The following CRACDL variants were observed in gnomAD, a reference collection of about 807,000 sequenced individuals.
The protein encoded by CRACDL is CRACD-like protein.
In CRACDL, 26 loss-of-function variants were observed where a neutral mutation model predicts 70.6. That is an observed-to-expected ratio of 0.37 (90% CI 0.27 to 0.51). The LOEUF is 0.51. Among genes scored for constraint, CRACDL ranks in the 20% least tolerant of loss-of-function variants. The pLI, the probability that CRACDL is intolerant of heterozygous loss-of-function variation, is 0.94. For missense variants in CRACDL, 1,283 were observed against 1,376.9 expected (o/e 0.93, Z 1.08); for synonymous variants, 618 against 615.2 (o/e 1.00, Z -0.07).
At chr2:98,882,525 C>T (rs543247242) in intron 1 of CRACDL, among the ~76,000 whole-genome samples, 30 of 152,240 alleles carry the variant, frequency 2.0e-4, no homozygotes, top group African/African-American at 6.3e-4. Flanking sequence ...AAGGAAGCAC[C>T]GCACAATGAA....
At position 98,838,295 on chromosome 2, in the gene CRACDL, G is replaced by C. The variant is rs1705881041; in HGVS notation, c.71-8C>G. 6.7e-7 allele frequency: 1 copy of C among 1,496,980 alleles called. No individual in the cohort carries two copies. The highest frequency in any genetic ancestry group is 2.4e-5 in the East Asian group (1 of 42,206). The allele number at this position is 1,496,980 out of a possible 1,614,324, so 92.7% of individuals were successfully genotyped here. On this transcript the variant is annotated splice_region_variant and splice_polypyrimidine_tract_variant and intron_variant, in intron 2 of 9. Transcript: ENST00000397899. The stretch of plus-strand genomic sequence containing the variant: ...ATTTAGATTTTTTCTTTCCTATACA[G>C]ATTAGAGAAAAAAATAATAAATAAG...
Position 98,832,217 on chromosome 2 carries a change from C to A in CRACDL, c.540+131G>T, listed in dbSNP as rs186272029. The A allele has an allele frequency of 2.2e-5, 20 of 898,816 alleles. No individual in the cohort carries two copies. The East Asian group carries it at 4.9e-4, about 22-fold the overall frequency. The allele number at this position is 898,816 out of a possible 1,614,324, so 55.7% of individuals were successfully genotyped here. A position where few individuals can be genotyped will look rare whatever the true frequency, so the allele number is the denominator to read the frequency against. ...ACACAGCTCAAGGGCTGATTGTAGG[C>A]TCCAGTGACCCAGTTGGCCACACCA... On this transcript the variant is annotated intron_variant, in intron 5 of 9. Transcript: ENST00000397899.
chr2:98,843,960 C>A (rs1403481434), intron 2 of CRACDL, among the ~76,000 whole-genome samples: 1 of 151,726 alleles, frequency 6.6e-6, no homozygotes, highest in Non-Finnish European at 1.5e-5. Context: ...TGGGTTATTT[C>A]AAAAAAAATC....
chr2:98,826,261 G>A (rs189733650), intron 6 of CRACDL, among the ~76,000 whole-genome samples: 34 of 152,318 alleles, frequency 2.2e-4, no homozygotes, highest in African/African-American at 7.9e-4. Flanking sequence ...ATGCTACTGA[G>A]TAGGCCCTCA....
chr2:98,846,337 T>G (rs1706251792), intron 2 of CRACDL, among the ~76,000 whole-genome samples: 2 of 152,120 alleles, frequency 1.3e-5, no homozygotes, highest in Non-Finnish European at 2.9e-5. Flanking sequence ...ATGTAATTAT[T>G]TTTTTACAGA....
chr2:98,795,073 A>ATTTTTTTTTTTTTTTT (rs1468056572), intron 9 of CRACDL, among the ~76,000 whole-genome samples: 1 of 20,070 alleles, frequency 5.0e-5, no homozygotes, highest in African/African-American at 1.2e-4. Context: ...ATATATATAT[A>ATTTTTTTTTTTTTTTT]TATATTTTTT....
At chr2:98,918,669 G>A (rs1314723226) in intron 1 of CRACDL, among the ~76,000 whole-genome samples, 2 of 148,380 alleles carry the variant, frequency 1.3e-5, no homozygotes, top group African/African-American at 5.0e-5. Flanking sequence ...CTTTTAATTT[G>A]CATTTCTCTA....
rs1209364023 is a variant in CRACDL at position 98,872,734 on chromosome 2, C to T, written c.-10-25924G>A. Among the ~76,000 whole-genome samples the T allele has an allele frequency of 2.6e-5, 4 of 152,214 alleles. No individual in the cohort carries two copies. In the South Asian group the frequency reaches 6.2e-4, roughly 24 times the overall value. On this transcript the variant is annotated intron_variant, in intron 1 of 9. Coordinates refer to ENST00000397899, the MANE Select transcript of CRACDL (RefSeq NM_207362.3). ...CTAACAAGCTCCCAGGTGATGCTGA[C>T]GATGCTGCCCGTGGACCTTCCTTTG...
chr2:98,924,791 G>T (rs552562853), intron 1 of CRACDL, among the ~76,000 whole-genome samples: 1 of 152,260 alleles, frequency 6.6e-6, no homozygotes, highest in East Asian at 1.9e-4. Context: ...TTTTAACCAG[G>T]AATACCTTAG....
At chr2:98,809,598 G>C (rs1245919883) in intron 7 of CRACDL, 1 of 152,154 alleles carries the variant, frequency 6.6e-6, no homozygotes, top group Non-Finnish European at 1.5e-5. Context: ...TCCACAGAAA[G>C]TGTTTTGCAA....
At chr2:98,826,801 T>C (rs550503613) in intron 6 of CRACDL, among the ~76,000 whole-genome samples, 174 bp downstream of exon 6, 1 of 151,136 alleles carries the variant, frequency 6.6e-6, no homozygotes, top group East Asian at 2.0e-4. Flanking sequence ...ACAGATCTGG[T>C]TTATGTTTAA....
At chr2:98,801,308 A>G (rs1449112891) in intron 7 of CRACDL, among the ~76,000 whole-genome samples, 1 of 152,010 alleles carries the variant, frequency 6.6e-6, no homozygotes, top group African/African-American at 2.4e-5. Flanking sequence ...GAGAGAACCC[A>G]CTCCAGCTCC....
chr2:98,803,898 T>G (rs920262701), intron 7 of CRACDL, among the ~76,000 whole-genome samples: 42 of 152,268 alleles, frequency 2.8e-4, no homozygotes, highest in African/African-American at 9.1e-4. Flanking sequence ...CTACAGACAC[T>G]AAGAGGACTT....
chr2:98,858,344 A>G (rs185749854), intron 1 of CRACDL, among the ~76,000 whole-genome samples: 298 of 152,058 alleles, frequency 2.0e-3, no homozygotes, highest in African/African-American at 7.0e-3. Context: ...GTGAAACCCC[A>G]TCTCCACCAA....
In CRACDL at chr2:98,822,025, C is replaced by T; in HGVS notation, c.2248G>A (p.Ala750Thr). Reference sequence around the variant, plus strand: ...GAGCTGAGCGGCTCGGGGGGCCGGGCCTTCCCCTTTCCTTGGTCGCTGGGG... The same window carrying T: ...GAGCTGAGCGGCTCGGGGGGCCGGGTCTTCCCCTTTCCTTGGTCGCTGGGG... The part of the protein sequence containing the change: ...RAPSDQGKGK[A>T]RPPEPLSSKP... Residue 750 changes from alanine to threonine, a missense_variant, in exon 7 of 10, where the codon GCC (alanine) becomes ACC (threonine). Ala to Thr is a moderately conservative substitution (Grantham distance 58, BLOSUM62 0). Transcript: ENST00000397899. The surrounding 1 kb of genome is among the most constrained non-coding windows in gnomAD (Gnocchi z 4.9). 2 of 1,540,670 alleles carry T rather than the reference C, an allele frequency of 1.3e-6. No individual in the cohort carries two copies. The highest frequency in any genetic ancestry group is 1.8e-6 in the Non-Finnish European group (2 of 1,142,668).
chr2:98,876,511 C>A (rs1707492616), intron 1 of CRACDL, among the ~76,000 whole-genome samples: 1 of 152,168 alleles, frequency 6.6e-6, no homozygotes, highest in African/African-American at 2.4e-5. Flanking sequence ...CTATTGTGAA[C>A]TGCGCCATGT....
intron 7 of CRACDL, among the ~76,000 whole-genome samples, chr2:98,817,902 G>A (rs2104452670): frequency 6.6e-6 from 1 of 152,052 alleles, no homozygotes; most frequent in South Asian, 2.1e-4. Flanking sequence ...ATGTGACCAT[G>A]ACTTTGTAAA....
At chr2:98,897,577 A>G in intron 1 of CRACDL, 1 of 271,912 alleles carries the variant, frequency 3.7e-6, no homozygotes. Flanking sequence ...ATGTAATCCA[A>G]TGAAAGGAGA....
chr2:98,880,515 G>A (rs1309925571), intron 1 of CRACDL, among the ~76,000 whole-genome samples: 3 of 152,196 alleles, frequency 2.0e-5, no homozygotes, highest in South Asian at 2.1e-4. Flanking sequence ...GTATGGGCAC[G>A]GCGGGCAGGT....
Sources: gnomAD v4.1 joint callset for allele counts (sites outside exome capture counted in the v4.1 genomes callset) on GRCh38, gnomAD v4.1.1 for gene constraint, Gnocchi (gnomAD v3.1) non-coding constraint, MANE v1.5 for transcripts, NCBI Gene and HGNC (gene_info 2026-07-23, HGNC 2026-07-21) for gene names.